HSD3B2: variants seen among roughly 807,000 people sequenced by gnomAD.
HSD3B2 encodes 3 beta-hydroxysteroid dehydrogenase/Delta 5-->4-isomerase type 2.
Under a neutral mutation model 9.9 loss-of-function variants are expected in HSD3B2, and 8 were observed. The observed-to-expected ratio is 0.81, with a 90% CI of 0.47 to 1.46. The LOEUF (loss-of-function observed/expected upper bound fraction) is 1.46. Among genes scored for constraint, HSD3B2 ranks in the 40% most tolerant of loss-of-function variants. The probability of loss-of-function intolerance (pLI) is 0.00; values close to 1 mark genes in which losing one functional copy is unlikely to be tolerated. For missense variants in HSD3B2, 410 were observed against 448.3 expected (o/e 0.91, Z 0.77); for synonymous variants, 221 against 184.5 (o/e 1.20, Z -1.60).
intron 3 of HSD3B2, among the ~76,000 whole-genome samples, chr1:119,421,428 T>TAC (rs1651860709): frequency 6.0e-5 from 1 of 16,654 alleles, no homozygotes; most frequent in Admixed American, 9.0e-4. Flanking sequence ...TATATATATG[T>TAC]ATATATATAT....
Position 119,421,526 on chromosome 1 carries a change from TACACAC to T in HSD3B2, c.308-268_308-263del, listed in dbSNP as rs750057057. On this transcript the variant is annotated intron_variant, in intron 3 of 3. Coordinates refer to ENST00000369416, the MANE Select transcript of HSD3B2 (RefSeq NM_000198.4). The stretch of plus-strand genomic sequence containing the variant: ...ATATATATATACACACACGTATACA[TACACAC>T]ACACACACACACACCACACACAAAC... 1.7e-3 allele frequency among the ~76,000 whole-genome samples: 242 copies of T among 138,530 alleles called. 1 individual carries two copies. The highest frequency in any genetic ancestry group is 6.2e-3 in the African/African-American group (231 of 37,450). 90.9% of individuals were successfully genotyped at this position (138,530 alleles called of 152,430 possible).
At chr1:119,416,854 T>A (rs1651725355) in intron 2 of HSD3B2, among the ~76,000 whole-genome samples, 1 of 152,206 alleles carries the variant, frequency 6.6e-6, no homozygotes, top group African/African-American at 2.4e-5. Context: ...TCAGCAATAT[T>A]TACAATCTAA....
In HSD3B2 at chr1:119,422,328, GC is replaced by G. The variant is rs2101350432; in HGVS notation, c.829del (p.Leu277SerfsTer11). Reference sequence around the variant, plus strand: ...AATTACATCCTGAGCAAAGAGTTTGGCCTCCGCCTTGATTCCAGATGGAGCC... The same window carrying G: ...AATTACATCCTGAGCAAAGAGTTTGGCTCCGCCTTGATTCCAGATGGAGCC... ...NLNYILSKEFGLRLDSRWSLP... is the reference protein window; with the variant it reads ...NLNYILSKEFXLRLDSRWSLP... On this transcript the variant is annotated frameshift_variant, in exon 4 of 4. Coordinates refer to ENST00000369416, the MANE Select transcript of HSD3B2 (RefSeq NM_000198.4). LOFTEE classifies it low-confidence loss of function (END_TRUNC). 1.2e-6 allele frequency: 2 copies of G among 1,614,122 alleles called. No homozygotes were observed. Among genetic ancestry groups the G allele is most frequent in the Non-Finnish European group, 1.7e-6 (2 of 1,179,998 alleles).
At chr1:119,421,643 C>T (rs184591772) in intron 3 of HSD3B2, among the ~76,000 whole-genome samples, 166 bp from the exon 4 acceptor site, 4 of 151,582 alleles carry the variant, frequency 2.6e-5, no homozygotes, top group South Asian at 2.1e-4. Flanking sequence ...GTTTTTCCTA[C>T]GGCTGTATCA....
intron 2 of HSD3B2, among the ~76,000 whole-genome samples, chr1:119,417,825 C>A (rs1265760777): frequency 4.6e-5 from 7 of 152,136 alleles, no homozygotes; most frequent in African/African-American, 1.7e-4. Context: ...TATTCCTGCA[C>A]CTGGGGTACA....
At chr1:119,415,999 C>T (rs922918623) in intron 2 of HSD3B2, among the ~76,000 whole-genome samples, 18 of 152,102 alleles carry the variant, frequency 1.2e-4, no homozygotes, top group Non-Finnish European at 2.1e-4. Context: ...TCCTTAGTAT[C>T]TTTAGTGAGG....
At position 119,415,446 on chromosome 1, in the gene HSD3B2, A is replaced by G. The variant is rs1220577860; in HGVS notation, c.27A>G (p.Gly9=). The G allele has an allele frequency of 6.2e-7, 1 of 1,613,902 alleles. No individual in the cohort carries two copies. The highest frequency in any genetic ancestry group is 8.5e-7 in the Non-Finnish European group (1 of 1,179,914). The change falls in exon 2 of 4, where the codon GGA becomes GGG. Residue 9 remains glycine, a synonymous_variant. Transcript: ENST00000369416. The stretch of plus-strand genomic sequence containing the variant: ...TGGGCTGGAGCTGCCTTGTGACAGG[A>G]GCAGGAGGGCTTCTGGGTCAGAGGA... MGWSCLVT[G]AGGLLGQRIV...
At chr1:119,417,413 G>T (rs1238397122) in intron 2 of HSD3B2, 1 of 152,222 alleles carries the variant, frequency 6.6e-6, no homozygotes, top group Non-Finnish European at 1.5e-5. Flanking sequence ...ATCGGCTTTG[G>T]ACTTCTGCTA....
intron 3 of HSD3B2, among the ~76,000 whole-genome samples, 190 bp from the exon 4 acceptor site, chr1:119,421,618 TC>T (rs1222068175): frequency 1.3e-5 from 2 of 151,146 alleles, no homozygotes; most frequent in Non-Finnish European, 2.9e-5. Context: ...AATGTCAGTT[TC>T]TTTTTATTTT....
Position 119,422,220 on chromosome 1 carries a change from G to A in HSD3B2, c.719G>A (p.Arg240Gln), listed in dbSNP as rs373456025. The A allele has an allele frequency of 7.5e-5, 121 of 1,613,958 alleles. No individual in the cohort carries two copies. The highest frequency in any genetic ancestry group is 4.4e-4 in the South Asian group (40 of 91,026). The change falls in exon 4 of 4, where the codon CGG (arginine) becomes CAG (glutamine). Residue 240 changes from arginine to glutamine, a missense_variant. Physicochemically the swap from Arg to Gln is conservative, Grantham distance 43. Coordinates refer to ENST00000369416, the MANE Select transcript of HSD3B2 (RefSeq NM_000198.4). Reference protein sequence around the residue: ...WAHILALRALRDPKKAPSVRG... With the variant: ...WAHILALRALQDPKKAPSVRG... ...CACATTCTGGCCTTGAGGGCTCTGCGGGACCCCAAGAAGGCCCCAAGTGTC... is the reference window on the plus strand; with the variant it reads ...CACATTCTGGCCTTGAGGGCTCTGCAGGACCCCAAGAAGGCCCCAAGTGTC...
At position 119,415,347 on chromosome 1, in the gene HSD3B2, G is replaced by A. The variant is rs985188068; in HGVS notation, c.-73G>A. 7.1e-5 allele frequency: 109 copies of A among 1,526,228 alleles called. 1 individual carries two copies. The African/African-American group carries it at 1.2e-3, about 16-fold the overall frequency. The allele number at this position is 1,526,228 out of a possible 1,614,324, so 94.5% of individuals were successfully genotyped here. A position where few individuals can be genotyped will look rare whatever the true frequency, so the allele number is the denominator to read the frequency against. Reference sequence around the variant, plus strand: ...TGTTTTTAGCCCTCTTCTGGGTCACGCTAGAATCAGATCTGCTCTCCAGCA... The same window carrying A: ...TGTTTTTAGCCCTCTTCTGGGTCACACTAGAATCAGATCTGCTCTCCAGCA... On this transcript the variant is annotated 5_prime_UTR_variant, in exon 2 of 4. Coordinates refer to ENST00000369416, the MANE Select transcript of HSD3B2 (RefSeq NM_000198.4).
rs1254949355 is a variant in HSD3B2, at chr1:119,422,694, C to G, written c.*74C>G. ...CAAACTCCACCCACCTGGCTTCATA[C>G]AGAAGGCAACAGGGGCACAAGCCCA... On this transcript the variant is annotated 3_prime_UTR_variant, in exon 4 of 4. Coordinates refer to ENST00000369416, the MANE Select transcript of HSD3B2 (RefSeq NM_000198.4). 2.1e-5 allele frequency: 32 copies of G among 1,549,244 alleles called. No individual in the cohort carries two copies. In the Middle Eastern group the frequency reaches 6.8e-4, roughly 33 times the overall value.
At position 119,421,897 on chromosome 1, in the gene HSD3B2, C is replaced by T; in HGVS notation, c.396C>T (p.Ser132=). 1 of 1,614,036 alleles carries T rather than the reference C, an allele frequency of 6.2e-7. No homozygotes were observed. Among genetic ancestry groups the T allele is most frequent in the Non-Finnish European group, 8.5e-7 (1 of 1,179,978 alleles). Residue 132 remains serine (S), a synonymous_variant, in exon 4 of 4, where the codon TCC becomes TCT. Coordinates refer to ENST00000369416, the MANE Select transcript of HSD3B2 (RefSeq NM_000198.4). ...GCATAGAGGTAGCCGGGCCCAACTC[C>T]TACAAGGAAATCATCCAGAACGGCC... The part of the protein sequence containing the change: ...TSSIEVAGPN[S]YKEIIQNGHE...
rs886045197 is a variant in HSD3B2, at chr1:119,422,011, G to C, written c.510G>C (p.Gly170=). The C allele has an allele frequency of 5.6e-6, 9 of 1,613,968 alleles. No homozygotes were observed. The highest frequency in any genetic ancestry group is 5.9e-6 in the Non-Finnish European group (7 of 1,179,994). ...LAEKAVLAAN[G]WNLKNGDTLY... Reference sequence around the variant, plus strand: ...AGAAGGCTGTGCTGGCGGCTAATGGGTGGAATCTAAAAAATGGTGATACCT... The same window carrying C: ...AGAAGGCTGTGCTGGCGGCTAATGGCTGGAATCTAAAAAATGGTGATACCT... Residue 170 remains glycine (G), a synonymous_variant, in exon 4 of 4, where the codon GGG becomes GGC. Transcript: ENST00000369416.
At chr1:119,414,995 G>A (rs1010602904), upstream of HSD3B2, 2 of 220,736 alleles carry the variant, frequency 9.1e-6, no homozygotes, top group Non-Finnish European at 9.1e-6. Flanking sequence ...TCCTGTTCCT[G>A]GGAAGAATTA....
intron 3 of HSD3B2, among the ~76,000 whole-genome samples, chr1:119,421,415 ATGTATATATATG>A (rs1434680888): frequency 3.6e-5 from 1 of 27,480 alleles, no homozygotes; most frequent in African/African-American, 2.3e-4. Flanking sequence ...ATATATATAT[ATGTATATATATG>A]TATATATATA....
Position 119,422,623 on chromosome 1 carries a change from T to C in HSD3B2, c.*3T>C, listed in dbSNP as rs1651924181. 1.2e-6 allele frequency: 2 copies of C among 1,613,780 alleles called. No homozygotes were observed. Among genetic ancestry groups the C allele is most frequent in the Non-Finnish European group, 1.7e-6 (2 of 1,179,940 alleles). On this transcript the variant is annotated 3_prime_UTR_variant, in exon 4 of 4. Transcript: ENST00000369416. ...CCCTGAAGTCCAAGACTCAGTGATT[T>C]AAGGATGACAGAGATGTGCATGTGG...
intron 2 of HSD3B2, among the ~76,000 whole-genome samples, chr1:119,415,888 G>A (rs182395436): frequency 3.1e-4 from 47 of 152,222 alleles, no homozygotes; most frequent in African/African-American, 1.1e-3. Flanking sequence ...TTGTCTTGGC[G>A]ATTGCTGTGC....
chr1:119,420,774 A>G (rs1651836325), intron 3 of HSD3B2, among the ~76,000 whole-genome samples: 1 of 152,198 alleles, frequency 6.6e-6, no homozygotes, highest in South Asian at 2.1e-4. Context: ...GACACTCCAG[A>G]TACCTCCATG....
Sources: gnomAD v4.1 joint callset for allele counts (sites outside exome capture counted in the v4.1 genomes callset) on GRCh38, gnomAD v4.1.1 for gene constraint, MANE v1.5 for transcripts, NCBI Gene and HGNC (gene_info 2026-07-23, HGNC 2026-07-21) for gene names.